STK31: variants seen among roughly 807,000 people sequenced by gnomAD.
STK31 encodes serine/threonine kinase 31.
A neutral mutation model predicts 129.7 loss-of-function variants in STK31; 89 were observed. The observed-to-expected ratio is 0.69, with a 90% CI of 0.58 to 0.82. The LOEUF is 0.82. Ranked by LOEUF, STK31 falls within the 40% of genes least tolerant of loss-of-function variation. The pLI is 0.00. For synonymous variants in STK31, 448 were observed against 395.3 expected (o/e 1.13, Z -1.58); for missense variants, 1,187 against 1,176.4 (o/e 1.01, Z -0.13).
intron 22 of STK31, among the ~76,000 whole-genome samples, chr7:23,799,732 G>A (rs1792243705): frequency 6.6e-6 from 1 of 152,162 alleles, no homozygotes; most frequent in South Asian, 2.1e-4. Flanking sequence ...TGCCAAAATT[G>A]ACAAATGGGA....
intron 23 of STK31, among the ~76,000 whole-genome samples, chr7:23,830,365 T>A (rs1794467739): frequency 6.6e-6 from 1 of 152,188 alleles, no homozygotes; most frequent in African/African-American, 2.4e-5. Context: ...TTACTCCTTT[T>A]TTGATAGAAG....
At chr7:23,721,889 C>G (rs113179220) in intron 4 of STK31, 3 of 426,514 alleles carry the variant, frequency 7.0e-6, no homozygotes, top group South Asian at 6.4e-5. Flanking sequence ...CTTGTGCATG[C>G]GTCACGTAGT....
At chr7:23,766,753 G>C (rs986367717) in intron 11 of STK31, among the ~76,000 whole-genome samples, 2 of 152,078 alleles carry the variant, frequency 1.3e-5, no homozygotes, top group African/African-American at 4.8e-5. Context: ...ATTATTTATT[G>C]AGATACTTCT....
At chr7:23,795,196 C>G (rs986993990) in intron 22 of STK31, among the ~76,000 whole-genome samples, 2 of 152,232 alleles carry the variant, frequency 1.3e-5, no homozygotes, top group African/African-American at 4.8e-5. Context: ...CACGGTCCCC[C>G]TGCTGTGTGC....
chr7:23,798,323 C>G (rs1401536272), intron 22 of STK31, among the ~76,000 whole-genome samples: 1 of 152,096 alleles, frequency 6.6e-6, no homozygotes, highest in Non-Finnish European at 1.5e-5. Context: ...GCCAATATCC[C>G]TGATGAACAT....
At chr7:23,817,747 G>A (rs1300451794) in intron 23 of STK31, among the ~76,000 whole-genome samples, 1 of 152,116 alleles carries the variant, frequency 6.6e-6, no homozygotes, top group Non-Finnish European at 1.5e-5. Flanking sequence ...CTAAAAGTTG[G>A]TCCATTCCAT....
intron 12 of STK31, 87 bp downstream of exon 12, chr7:23,769,261 C>A: frequency 1.6e-6 from 2 of 1,224,272 alleles, no homozygotes; most frequent in Non-Finnish European, 2.2e-6. Flanking sequence ...CAAGAGCTGA[C>A]ATCATCTACC....
chr7:23,801,075 G>A (rs749721623), intron 22 of STK31, among the ~76,000 whole-genome samples: 18 of 152,146 alleles, frequency 1.2e-4, no homozygotes, highest in Non-Finnish European at 2.6e-4. Flanking sequence ...AATTACCCAG[G>A]AGTGAAATTT....
At chr7:23,815,552 GT>G (rs1255440159) in intron 23 of STK31, among the ~76,000 whole-genome samples, 15 of 152,112 alleles carry the variant, frequency 9.9e-5, no homozygotes, top group African/African-American at 3.6e-4. Flanking sequence ...ATTCACATAT[GT>G]ATTCAGCCAA....
At position 23,772,145 on chromosome 7, in the gene STK31, A is replaced by G; in HGVS notation, c.1834-2A>G. The G allele has an allele frequency of 6.5e-7, 1 of 1,550,228 alleles. No individual in the cohort carries two copies. ...GAAAATACGTAACTTTTGTTTACTTAGTTTAAAAAGCAGCTTATTGAATAT... is the reference window on the plus strand; with the variant it reads ...GAAAATACGTAACTTTTGTTTACTTGGTTTAAAAAGCAGCTTATTGAATAT... On this transcript the variant is annotated splice_acceptor_variant, in intron 14 of 23. Transcript: ENST00000355870. LOFTEE classifies it high-confidence loss of function.
At chr7:23,768,682 T>G (rs915960218) in intron 11 of STK31, among the ~76,000 whole-genome samples, 3 of 152,188 alleles carry the variant, frequency 2.0e-5, no homozygotes, top group African/African-American at 7.2e-5. Context: ...GCAAAATTAC[T>G]CTTGTACTTA....
chr7:23,826,528 C>G (rs13240176), intron 23 of STK31, among the ~76,000 whole-genome samples: 17,036 of 152,184 alleles, frequency 0.11, 1,172 homozygotes, highest in Middle Eastern at 0.16. Context: ...ATACAGCACA[C>G]TGATGGGTCT....
chr7:23,710,721 G>C, intron 1 of STK31: 1 of 1,072,094 alleles, frequency 9.3e-7, no homozygotes. Flanking sequence ...ACTATTTTGT[G>C]ATCTCTGTTT....
intron 5 of STK31, among the ~76,000 whole-genome samples, chr7:23,728,699 C>G (rs753976038): frequency 6.6e-6 from 1 of 152,078 alleles, no homozygotes; most frequent in Non-Finnish European, 1.5e-5. Context: ...GATAACTTTG[C>G]CTTTCTTTTC....
rs568753149 is a variant in STK31, at chr7:23,761,431, T to G, written c.1294-1370T>G. 1.9e-3 allele frequency among the ~76,000 whole-genome samples: 293 copies of G among 152,132 alleles called. 1 individual carries two copies. The highest frequency in any genetic ancestry group is 6.8e-3 in the African/African-American group (281 of 41,530). On this transcript the variant is annotated intron_variant, in intron 10 of 23. Transcript: ENST00000355870. ...TGCCATGTGGCCATATGCTTTTTTT[T>G]TTTTTTTGAGACGGAGTCTCGCTCT...
intron 10 of STK31, chr7:23,755,159 C>A (rs1299093893): frequency 4.6e-5 from 7 of 152,168 alleles, no homozygotes; most frequent in Non-Finnish European, 8.8e-5. Context: ...TCTCCAGCAT[C>A]TATTGTTTCC....
At chr7:23,816,254 A>G (rs144308766) in intron 23 of STK31, among the ~76,000 whole-genome samples, 654 of 152,336 alleles carry the variant, frequency 4.3e-3, no homozygotes, top group African/African-American at 0.013. Flanking sequence ...TGAAAAGGCT[A>G]TGATAAAAAT....
intron 11 of STK31, 120 bp from the exon 12 acceptor site, chr7:23,768,875 A>T: frequency 1.2e-6 from 1 of 828,606 alleles, no homozygotes; most frequent in Non-Finnish European, 1.7e-6. Flanking sequence ...AGTTGTATTT[A>T]TGAAATTCTC....
At chr7:23,749,541 G>C (rs1299410482) in intron 8 of STK31, among the ~76,000 whole-genome samples, 1 of 148,188 alleles carries the variant, frequency 6.7e-6, no homozygotes, top group Non-Finnish European at 1.5e-5. Flanking sequence ...TGGGGGTAGA[G>C]ACCATTTTGT....
Sources: gnomAD v4.1 joint callset for allele counts (sites outside exome capture counted in the v4.1 genomes callset) on GRCh38, gnomAD v4.1.1 for gene constraint, MANE v1.5 for transcripts, NCBI Gene and HGNC (gene_info 2026-07-23, HGNC 2026-07-21) for gene names.